Variants in PTK7 observed in about 807,000 individuals in gnomAD.
PTK7 encodes protein tyrosine kinase 7 (inactive).
A neutral mutation model predicts 116.6 loss-of-function variants in PTK7; 39 were observed. That is an observed-to-expected ratio of 0.33 (90% CI 0.26 to 0.44). The LOEUF is 0.44. Among genes scored for constraint, PTK7 ranks in the 20% least tolerant of loss-of-function variants. The pLI is 1.00. For missense variants in PTK7, 1,169 were observed against 1,425.6 expected (o/e 0.82, Z 2.90); for synonymous variants, 546 against 563.6 (o/e 0.97, Z 0.44).
intron 5 of PTK7, chr6:43,131,685 A>G (rs540198531): frequency 2.2e-5 from 8 of 358,714 alleles, no homozygotes; most frequent in Middle Eastern, 1.8e-3. Context: ...CCCTCCCACA[A>G]CATGTGGGAA....
chr6:43,138,766 GGTA>G (rs1332250275), intron 7 of PTK7, 80 bp from the exon 8 acceptor site: 5 of 1,503,838 alleles, frequency 3.3e-6, no homozygotes, highest in East Asian at 4.6e-5. Flanking sequence ...GGCCTAGAAT[GGTA>G]GTAGGATTTC....
rs767765958 is a variant in PTK7 at position 43,132,164 on chromosome 6, G to A, written c.961G>A (p.Glu321Lys). 41 of 1,608,086 alleles carry A rather than the reference G, an allele frequency of 2.5e-5. No homozygotes were observed. The South Asian group carries it at 4.5e-4, about 18-fold the overall frequency. ...CCTGGAAGCCACACTTCACCTAGCA[G>A]GTGAGTCTCTGGGTCTGGGGTGCTG... ...IILEATLHLA[E>K]IEDMPLFEPR... Residue 321 changes from glutamate (E) to lysine (K), a missense_variant and splice_region_variant, in exon 6 of 20, where the codon GAG (glutamate) becomes AAG (lysine). Physicochemically the swap from Glu to Lys is moderately conservative, Grantham distance 56. Around this residue, in one of 3 missense-constraint regions of PTK7, gnomAD observed 487 missense variants for 549.8 expected, o/e 0.89. Coordinates refer to ENST00000230419, the MANE Select transcript of PTK7 (RefSeq NM_002821.5).
At position 43,076,596 on chromosome 6, in the gene PTK7, G is replaced by A. The variant is rs1375159122; in HGVS notation, c.79+29G>A. The A allele has an allele frequency of 2.6e-6, 4 of 1,562,714 alleles. No individual in the cohort carries two copies. The highest frequency in any genetic ancestry group is 3.4e-6 in the Non-Finnish European group (4 of 1,160,202). ...AGTACCCGAGAGTTGGGGGCACAGA[G>A]CTTGGGAAGCGCGGGAGTCCCGTGG... On this transcript the variant is annotated intron_variant, in intron 1 of 19. Transcript: ENST00000230419. The surrounding 1 kb of genome is among the most constrained non-coding windows in gnomAD (Gnocchi z 5.7).
At position 43,160,889 on chromosome 6, in the gene PTK7, G is replaced by T. The variant is rs746154538; in HGVS notation, c.*8G>T. 3.1e-6 allele frequency: 5 copies of T among 1,613,262 alleles called. No individual in the cohort carries two copies. Among genetic ancestry groups the T allele is most frequent in the Non-Finnish European group, 3.4e-6 (4 of 1,179,860 alleles). On this transcript the variant is annotated 3_prime_UTR_variant, in exon 20 of 20. Coordinates refer to ENST00000230419, the MANE Select transcript of PTK7 (RefSeq NM_002821.5). ...GTGGACAGCAAGCCGTGAGGAGGGA[G>T]CCCGCTCAGGATGGCCTGGGCAGGG... is the stretch of plus-strand genomic sequence containing the variant.
rs755423251 is a variant in PTK7 at position 43,142,169 on chromosome 6, C to G, written c.1920-3C>G. The G allele has an allele frequency of 1.2e-6, 2 of 1,613,882 alleles. No individual in the cohort carries two copies. The highest frequency in any genetic ancestry group is 3.3e-5 in the Admixed American group (2 of 59,986). On this transcript the variant is annotated splice_region_variant and splice_polypyrimidine_tract_variant and intron_variant, in intron 12 of 19. Coordinates refer to ENST00000230419, the MANE Select transcript of PTK7 (RefSeq NM_002821.5). ...GCCAGCACTATGGCTTCTCCCCCGA[C>G]AGGATGCACATCTTCCAGAATGGCT...
chr6:43,138,952 C>T lies in PTK7; in HGVS notation c.1332C>T (p.Val444=), dbSNP rs1770214506. 1 of 1,614,020 alleles carries T rather than the reference C, an allele frequency of 6.2e-7. No homozygotes were observed. The highest frequency in any genetic ancestry group is 1.3e-5 in the African/African-American group (1 of 74,950). Residue 444 remains valine, a synonymous_variant, in exon 8 of 20, where the codon GTC becomes GTT. Coordinates refer to ENST00000230419, the MANE Select transcript of PTK7 (RefSeq NM_002821.5). Reference sequence around the variant, plus strand: ...AGGCCACACCAAAACCTACAGTTGTCTGGTACAGAAACCAGATGCTCATCT... The same window carrying T: ...AGGCCACACCAAAACCTACAGTTGTTTGGTACAGAAACCAGATGCTCATCT... ...LTQATPKPTV[V]WYRNQMLISE... is the part of the protein sequence containing the mutation.
chr6:43,121,056 G>GTTTTTT (rs564738874), intron 1 of PTK7, among the ~76,000 whole-genome samples: 1 of 119,720 alleles, frequency 8.4e-6, no homozygotes, highest in Non-Finnish European at 1.7e-5. Flanking sequence ...CCATGTTTCT[G>GTTTTTT]TTTTTTTTTT....
chr6:43,118,115 T>C (rs1168714389), intron 1 of PTK7, among the ~76,000 whole-genome samples: 1 of 150,860 alleles, frequency 6.6e-6, no homozygotes, highest in Non-Finnish European at 1.5e-5. Flanking sequence ...TTTTTTTTTT[T>C]TTTTTTTGAG....
At position 43,130,413 on chromosome 6, in the gene PTK7, C is replaced by T. The variant is rs528947800; in HGVS notation, c.654C>T (p.Ser218=). ...QACSSQNFTL[S]IADESFARVV... ...GCAGCAGCCAGAACTTCACCTTGAG[C>T]ATTGCTGGTGAGCCTGGGGTGGGGG... The change falls in exon 4 of 20, where the codon AGC becomes AGT. Residue 218 remains serine (S), a synonymous_variant. Transcript: ENST00000230419. 1.9e-6 allele frequency: 3 copies of T among 1,605,748 alleles called. No homozygotes were observed. The highest frequency in any genetic ancestry group is 4.5e-5 in the East Asian group (2 of 44,646).
chr6:43,086,476 C>T (rs1325354283), intron 1 of PTK7, among the ~76,000 whole-genome samples: 1 of 150,782 alleles, frequency 6.6e-6, no homozygotes, highest in African/African-American at 2.4e-5. Context: ...GAACGCTTGT[C>T]TGCTTTGGGA....
intron 18 of PTK7, among the ~76,000 whole-genome samples, chr6:43,159,369 C>T (rs1055791632): frequency 3.9e-5 from 6 of 152,190 alleles, no homozygotes; most frequent in East Asian, 1.9e-4. Flanking sequence ...GGCTCTGCAG[C>T]GCTGCCGGGA....
chr6:43,114,686 C>G (rs968528171), intron 1 of PTK7, among the ~76,000 whole-genome samples: 2 of 152,114 alleles, frequency 1.3e-5, no homozygotes. Flanking sequence ...CTTTTCTCAG[C>G]CGTCCGCGTG....
chr6:43,091,348 G>T (rs1202104740), intron 1 of PTK7, among the ~76,000 whole-genome samples: 1 of 151,972 alleles, frequency 6.6e-6, no homozygotes, highest in African/African-American at 2.4e-5. Flanking sequence ...TTTTGTTTTA[G>T]TAGAAATGGG....
chr6:43,077,362 T>G (rs1297757139), intron 1 of PTK7, among the ~76,000 whole-genome samples: 1 of 152,066 alleles, frequency 6.6e-6, no homozygotes, highest in Non-Finnish European at 1.5e-5. Context: ...CTGACTGTCC[T>G]CACAGAGGAA....
At chr6:43,148,085 TCTACAAAA>T (rs1770826944) in intron 17 of PTK7, among the ~76,000 whole-genome samples, 1 of 152,058 alleles carries the variant, frequency 6.6e-6, no homozygotes, top group Admixed American at 6.6e-5. Context: ...AGACCCTGTC[TCTACAAAA>T]AATAAAAAAA....
Position 43,082,156 on chromosome 6 carries a change from C to G in PTK7, c.79+5589C>G, listed in dbSNP as rs1282032782. ...CATCAGCATTCCTGGGAGCATGAAT[C>G]AGAATCGCAATCTGCAATTTATTTA... On this transcript the variant is annotated intron_variant, in intron 1 of 19. Coordinates refer to ENST00000230419, the MANE Select transcript of PTK7 (RefSeq NM_002821.5). Among the ~76,000 whole-genome samples, 3 of 152,256 alleles carry G rather than the reference C, an allele frequency of 2.0e-5. No individual in the cohort carries two copies. The East Asian group carries it at 5.8e-4, about 29-fold the overall frequency.
At chr6:43,132,319 G>C (rs1482113312) in intron 6 of PTK7, 102 bp from the exon 7 acceptor site, 1 of 1,498,896 alleles carries the variant, frequency 6.7e-7, no homozygotes, top group Non-Finnish European at 9.0e-7. Flanking sequence ...GGCTGCAGGG[G>C]AGGGTTTGTG....
At chr6:43,083,814 C>T (rs1459221950) in intron 1 of PTK7, among the ~76,000 whole-genome samples, 4 of 152,160 alleles carry the variant, frequency 2.6e-5, no homozygotes, top group African/African-American at 9.7e-5. Flanking sequence ...CCTTGATAAG[C>T]GGGATATGCA....
At chr6:43,086,399 TC>T (rs1766653476) in intron 1 of PTK7, among the ~76,000 whole-genome samples, 1 of 150,134 alleles carries the variant, frequency 6.7e-6, no homozygotes, top group African/African-American at 2.4e-5. Context: ...CAACCTCCCC[TC>T]CAGGAGACAC....
Sources: allele counts gnomAD v4.1 joint callset (sites outside exome capture counted in the v4.1 genomes callset), GRCh38; gene constraint gnomAD v4.1.1; regional missense constraint gnomAD v4.1.1; non-coding constraint Gnocchi (gnomAD v3.1); transcripts MANE v1.5; gene names NCBI Gene and HGNC (gene_info 2026-07-23, HGNC 2026-07-21).